Variants in ANXA8 observed in about 807,000 individuals in gnomAD.
ANXA8 encodes VAC-beta.
Under a neutral mutation model 26.8 loss-of-function variants are expected in ANXA8, and 9 were observed. That is an observed-to-expected ratio of 0.34 (90% confidence interval 0.20 to 0.59). The LOEUF (loss-of-function observed/expected upper bound fraction) is 0.59, where lower values mean the gene tolerates loss of function less well. Ranked by LOEUF, ANXA8 falls within the 20% of genes least tolerant of loss-of-function variation. The probability of loss-of-function intolerance (pLI) is 0.84; values close to 1 mark genes in which losing one functional copy is unlikely to be tolerated. For missense variants in ANXA8, 83 were observed against 238.5 expected (o/e 0.35, Z 4.29); for synonymous variants, 39 against 94.8 (o/e 0.41, Z 3.42).
At chr10:47,639,035 A>G in the ANXA8 span, among the ~76,000 whole-genome samples, 1 of 150,530 alleles carries the variant, frequency 6.6e-6, no homozygotes, top group South Asian at 2.1e-4. Context: ...GAAATAATTA[A>G]AACACTTGGG....
chr10:47,501,311 T>C, the ANXA8 span, among the ~76,000 whole-genome samples: 1 of 143,774 alleles, frequency 7.0e-6, no homozygotes, highest in Non-Finnish European at 1.5e-5. Flanking sequence ...CCTCCCAAAG[T>C]GCTAGGATTA....
the ANXA8 span, among the ~76,000 whole-genome samples, chr10:47,547,283 A>G: frequency 7.2e-6 from 1 of 139,612 alleles, no homozygotes; most frequent in Non-Finnish European, 1.6e-5. Context: ...TATTAAAAAG[A>G]AGGAGGCAGA....
At chr10:47,922,469 TGCTCATCTG>T in the ANXA8 span, 1 of 761,038 alleles carries the variant, frequency 1.3e-6, no homozygotes, top group South Asian at 1.8e-5. Context: ...CTGGGGATTG[TGCTCATCTG>T]GGTCATTGCC....
chr10:47,740,328 GTCAAT>G, the ANXA8 span, among the ~76,000 whole-genome samples: 5 of 148,218 alleles, frequency 3.4e-5, no homozygotes, highest in South Asian at 1.1e-3. Flanking sequence ...CTCAAATTGG[GTCAAT>G]CAGATCCTTT....
the ANXA8 span, among the ~76,000 whole-genome samples, chr10:47,636,271 G>A: frequency 8.2e-5 from 11 of 133,338 alleles, no homozygotes; most frequent in Non-Finnish European, 9.4e-5. Context: ...ACCATGCACT[G>A]TGGTTTTACA....
Position 47,484,053 on chromosome 10 carries a change from G to C in ANXA8, c.-120C>G. ...GTGAGCAGGCCGCTCACTTGGGTGT[G>C]GGGGTGCAAGCCCGCCCAGGGCAGC... On this transcript the variant is annotated 5_prime_UTR_variant, in exon 1 of 12. Coordinates refer to ENST00000585281, the MANE Select transcript of ANXA8 (RefSeq NM_001040084.3). 1.2e-6 allele frequency: 2 copies of C among 1,610,544 alleles called. No individual in the cohort carries two copies. Among genetic ancestry groups the C allele is most frequent in the Admixed American group, 3.3e-5 (2 of 59,962 alleles).
At chr10:47,536,564 T>TAC in the ANXA8 span, among the ~76,000 whole-genome samples, 8 of 127,428 alleles carry the variant, frequency 6.3e-5, 1 homozygote, top group East Asian at 1.2e-3. Flanking sequence ...AATATATATA[T>TAC]ACACACACAC....
At chr10:47,544,872 C>T in the ANXA8 span, among the ~76,000 whole-genome samples, 1 of 111,182 alleles carries the variant, frequency 9.0e-6, no homozygotes, top group Admixed American at 9.1e-5. Context: ...CTGATGTACT[C>T]TATTAAGTCC....
the ANXA8 span, among the ~76,000 whole-genome samples, chr10:47,645,575 C>T: frequency 6.6e-6 from 1 of 151,488 alleles, no homozygotes; most frequent in South Asian, 2.1e-4. Flanking sequence ...AAAATAATTT[C>T]TTCATGTGTC....
At chr10:47,590,037 C>CAGGAACT in the ANXA8 span, 3 of 146,058 alleles carry the variant, frequency 2.1e-5, no homozygotes, top group Admixed American at 2.0e-4. Flanking sequence ...CCATTCCCCC[C>CAGGAACT]TGACAGGGGT....
the ANXA8 span, among the ~76,000 whole-genome samples, chr10:47,900,963 A>G: frequency 4.1e-3 from 592 of 145,236 alleles, 1 homozygote; most frequent in African/African-American, 0.015. Flanking sequence ...AGAAAAGCCA[A>G]GAGTATAGAA....
At chr10:47,953,386 A>C in the ANXA8 span, among the ~76,000 whole-genome samples, 1 of 150,682 alleles carries the variant, frequency 6.6e-6, no homozygotes, top group Non-Finnish European at 1.5e-5. Context: ...CCCTCACACC[A>C]TGAGGATGCC....
the ANXA8 span, among the ~76,000 whole-genome samples, chr10:47,536,374 T>C: frequency 1.9e-5 from 1 of 51,698 alleles, no homozygotes; most frequent in African/African-American, 1.6e-4. Context: ...CTCCAGAATG[T>C]GGAAAAGGCG....
chr10:47,557,358 G>A, the ANXA8 span, among the ~76,000 whole-genome samples: 9 of 151,764 alleles, frequency 5.9e-5, no homozygotes, highest in Non-Finnish European at 7.4e-5. Context: ...CCTTCCCCAT[G>A]CTGAATGTCT....
chr10:47,669,629 C>T, the ANXA8 span, among the ~76,000 whole-genome samples: 47 of 151,514 alleles, frequency 3.1e-4, no homozygotes, highest in African/African-American at 1.1e-3. Context: ...GTGGGAGGAT[C>T]GCATGAGCCT....
At chr10:47,941,076 A>G in the ANXA8 span, among the ~76,000 whole-genome samples, 1 of 144,982 alleles carries the variant, frequency 6.9e-6, no homozygotes, top group Non-Finnish European at 1.5e-5. Context: ...CCCAGGCAGA[A>G]CTATTGACCC....
At chr10:47,708,643 C>G in the ANXA8 span, among the ~76,000 whole-genome samples, 6 of 151,394 alleles carry the variant, frequency 4.0e-5, no homozygotes, top group African/African-American at 1.5e-4. Flanking sequence ...TGCACATGTA[C>G]ACCCGAATCT....
At chr10:47,953,766 A>G in the ANXA8 span, among the ~76,000 whole-genome samples, 1 of 150,746 alleles carries the variant, frequency 6.6e-6, no homozygotes, top group Non-Finnish European at 1.5e-5. Context: ...GAGGTCATAC[A>G]AATGACACAT....
At chr10:47,624,129 C>A in the ANXA8 span, among the ~76,000 whole-genome samples, 1 of 102,700 alleles carries the variant, frequency 9.7e-6, no homozygotes, top group Non-Finnish European at 2.1e-5. Context: ...GTAGTCCCAG[C>A]TACTCGGGAG....
Sources: allele counts gnomAD v4.1 joint callset (sites outside exome capture counted in the v4.1 genomes callset), GRCh38; gene constraint gnomAD v4.1.1; transcripts MANE v1.5; gene names NCBI Gene and HGNC (gene_info 2026-07-23, HGNC 2026-07-21).